The following L3MBTL4 variants were observed in gnomAD, a reference collection of about 807,000 sequenced individuals.
The protein encoded by L3MBTL4 is L3MBTL histone methyl-lysine binding protein 4, also known as lethal(3)malignant brain tumor-like protein 4.
Under a neutral mutation model 84.5 loss-of-function variants are expected in L3MBTL4, and 70 were observed. The observed-to-expected ratio is 0.83, with a 90% confidence interval of 0.68 to 1.01. L3MBTL4 has a LOEUF of 1.01. L3MBTL4 is among the 50% of genes least tolerant of loss of function. The pLI is 0.00. For synonymous variants in L3MBTL4, 274 were observed against 259.8 expected (o/e 1.05, Z -0.52); for missense variants, 715 against 754.8 (o/e 0.95, Z 0.62).
chr18:6,269,577 A>C (rs1047453409), intron 4 of L3MBTL4, among the ~76,000 whole-genome samples: 1 of 152,256 alleles, frequency 6.6e-6, no homozygotes, highest in Non-Finnish European at 1.5e-5. Flanking sequence ...TTAATATTTT[A>C]TTCTAACAAT....
At position 6,170,866 on chromosome 18, in the gene L3MBTL4, C is replaced by T. The variant is rs149041435; in HGVS notation, c.1096+962G>A. On this transcript the variant is annotated intron_variant, in intron 13 of 18. Transcript: ENST00000317931. ...CTGGCGCCCTTCCCTACTTGGAGTC[C>T]CCCATATGGTGCTGACCATGGTCCT... Among the ~76,000 whole-genome samples the T allele has an allele frequency of 1.6e-4, 24 of 152,170 alleles. 1 individual carries two copies. The East Asian group carries it at 4.6e-3, about 29-fold the overall frequency.
At chr18:6,097,938 C>A (rs2058693890) in intron 14 of L3MBTL4, among the ~76,000 whole-genome samples, 1 of 152,150 alleles carries the variant, frequency 6.6e-6, no homozygotes, top group African/African-American at 2.4e-5. Context: ...CTTCTATGTG[C>A]TTCTCACCCC....
At chr18:6,098,626 G>T (rs997131584) in intron 14 of L3MBTL4, among the ~76,000 whole-genome samples, 2 of 152,134 alleles carry the variant, frequency 1.3e-5, no homozygotes, top group South Asian at 2.1e-4. Flanking sequence ...CCCAAGAGGG[G>T]CTCAGATGTG....
chr18:6,194,099 T>C (rs1014393505), intron 12 of L3MBTL4, among the ~76,000 whole-genome samples: 3 of 152,030 alleles, frequency 2.0e-5, no homozygotes, highest in African/African-American at 4.8e-5. Flanking sequence ...CCTTCCTCAT[T>C]GGAAAAACAA....
At chr18:6,182,698 T>C (rs567794811) in intron 12 of L3MBTL4, among the ~76,000 whole-genome samples, 67 of 152,366 alleles carry the variant, frequency 4.4e-4, no homozygotes, top group Admixed American at 2.1e-3. Context: ...TTTTAATCCA[T>C]CTTGAGTTTA....
intron 16 of L3MBTL4, among the ~76,000 whole-genome samples, chr18:6,010,666 T>A (rs898875716): frequency 6.6e-6 from 1 of 152,228 alleles, no homozygotes; most frequent in Non-Finnish European, 1.5e-5. Flanking sequence ...CTTTAACCCA[T>A]CTGTCTCCTT....
chr18:6,365,199 G>A (rs1490013055), intron 1 of L3MBTL4, among the ~76,000 whole-genome samples: 1 of 152,032 alleles, frequency 6.6e-6, no homozygotes, highest in Non-Finnish European at 1.5e-5. Flanking sequence ...GAATAAACAT[G>A]CTTCCCTCCA....
intron 1 of L3MBTL4, among the ~76,000 whole-genome samples, chr18:6,339,796 A>G (rs1177228816): frequency 6.6e-6 from 1 of 152,186 alleles, no homozygotes; most frequent in Non-Finnish European, 1.5e-5. Flanking sequence ...CGTAATAAAA[A>G]CATCATAAAC....
chr18:6,309,348 C>A (rs1026465716), intron 3 of L3MBTL4, among the ~76,000 whole-genome samples: 6 of 152,330 alleles, frequency 3.9e-5, no homozygotes, highest in Non-Finnish European at 7.3e-5. Flanking sequence ...CCCAAACTGA[C>A]AGTGCAACGT....
chr18:6,346,033 C>T (rs1427839949), intron 1 of L3MBTL4, among the ~76,000 whole-genome samples: 1 of 148,944 alleles, frequency 6.7e-6, no homozygotes, highest in African/African-American at 2.5e-5. Flanking sequence ...ATACAGTCAA[C>T]TAATTTTTTG....
intron 3 of L3MBTL4, among the ~76,000 whole-genome samples, chr18:6,306,849 A>G (rs938093058): frequency 5.3e-5 from 8 of 152,330 alleles, no homozygotes; most frequent in African/African-American, 1.9e-4. Flanking sequence ...CAGTGAAGTG[A>G]CTTGTCTTTT....
intron 16 of L3MBTL4, among the ~76,000 whole-genome samples, chr18:6,034,298 TC>T (rs1362653327): frequency 6.6e-6 from 1 of 150,974 alleles, no homozygotes; most frequent in African/African-American, 2.4e-5. Flanking sequence ...CCCTCCCCGC[TC>T]CCCCCACCCC....
intron 12 of L3MBTL4, among the ~76,000 whole-genome samples, chr18:6,199,392 CT>C (rs1216846769): frequency 1.3e-5 from 2 of 152,218 alleles, no homozygotes; most frequent in Non-Finnish European, 2.9e-5. Flanking sequence ...ACTAGCCACA[CT>C]TCAAGTGCCC....
intron 4 of L3MBTL4, among the ~76,000 whole-genome samples, chr18:6,284,567 G>A (rs1324121572): frequency 1.3e-5 from 2 of 152,232 alleles, no homozygotes; most frequent in Non-Finnish European, 2.9e-5. Context: ...CACCTTGGAG[G>A]GGACGCACTG....
chr18:5,959,437 A>G (rs2095251020), intron 18 of L3MBTL4, among the ~76,000 whole-genome samples: 1 of 152,216 alleles, frequency 6.6e-6, no homozygotes, highest in Non-Finnish European at 1.5e-5. Flanking sequence ...TAGTATGTGC[A>G]TCATTCTGTA....
rs142831678 is a variant in L3MBTL4 at position 5,981,923 on chromosome 18, T to G, written c.1445-12361A>C. On this transcript the variant is annotated intron_variant, in intron 16 of 18. Transcript: ENST00000317931. ...CCCGATGCAACATGCACAGACACTGTATCTTTTTCCTATTTATCAACAGTC... is the reference window on the plus strand; with the variant it reads ...CCCGATGCAACATGCACAGACACTGGATCTTTTTCCTATTTATCAACAGTC... 5.1e-3 allele frequency among the ~76,000 whole-genome samples: 771 copies of G among 152,070 alleles called. 9 individuals are homozygous for G. The highest frequency in any genetic ancestry group is 0.018 in the African/African-American group (746 of 41,414).
At chr18:6,276,809 A>C (rs1368926185) in intron 4 of L3MBTL4, among the ~76,000 whole-genome samples, 1 of 152,110 alleles carries the variant, frequency 6.6e-6, no homozygotes, top group African/African-American at 2.4e-5. Context: ...AGGAAATGCT[A>C]GCAGTTAGCG....
chr18:6,178,852 C>A (rs893024827), intron 12 of L3MBTL4, among the ~76,000 whole-genome samples: 1 of 152,318 alleles, frequency 6.6e-6, no homozygotes, highest in Middle Eastern at 3.4e-3. Context: ...TCTGCTTTTC[C>A]TTATCTTTAC....
At chr18:6,379,951 C>CT (rs1424142838) in intron 1 of L3MBTL4, among the ~76,000 whole-genome samples, 8 of 152,030 alleles carry the variant, frequency 5.3e-5, no homozygotes, top group African/African-American at 1.9e-4. Context: ...TGGTCCTGGA[C>CT]TTTTTTTGGT....
Sources: allele counts gnomAD v4.1 joint callset (sites outside exome capture counted in the v4.1 genomes callset), GRCh38; gene constraint gnomAD v4.1.1; transcripts MANE v1.5; gene names NCBI Gene and HGNC (gene_info 2026-07-23, HGNC 2026-07-21).